SPOCK1: variants seen among roughly 807,000 people sequenced by gnomAD.
SPOCK1 encodes testican-1.
SPOCK1 carries 23 observed loss-of-function variants against 55.3 expected under a neutral mutation model. That is an observed-to-expected ratio of 0.42 (90% CI 0.30 to 0.59). The LOEUF is 0.59. Ranked by LOEUF, SPOCK1 falls within the 20% of genes least tolerant of loss-of-function variation. The pLI, the probability that SPOCK1 is intolerant of heterozygous loss-of-function variation, is 0.22. For missense variants in SPOCK1, 499 were observed against 552.5 expected, an observed-to-expected ratio of 0.90 and a Z score of 0.97; for synonymous variants, 226 against 221.0, an observed-to-expected ratio of 1.02 and a Z score of -0.20.
intron 6 of SPOCK1, among the ~76,000 whole-genome samples, chr5:137,053,239 C>T (rs1752239178): frequency 6.6e-6 from 1 of 152,144 alleles, no homozygotes; most frequent in African/African-American, 2.4e-5. Flanking sequence ...CCAAGGTGCA[C>T]AGGGCGCCAG....
chr5:137,405,123 C>T (rs1242811362), intron 2 of SPOCK1, among the ~76,000 whole-genome samples: 1 of 152,174 alleles, frequency 6.6e-6, no homozygotes, highest in Non-Finnish European at 1.5e-5. Flanking sequence ...AGAAACCCCA[C>T]CTAAGACAAG....
intron 2 of SPOCK1, among the ~76,000 whole-genome samples, chr5:137,485,902 A>G (rs748856317): frequency 3.9e-5 from 6 of 152,206 alleles, no homozygotes; most frequent in African/African-American, 7.2e-5. Flanking sequence ...GTAATATTCT[A>G]TCTCCTGATC....
rs546998573 is a variant in SPOCK1 at position 137,450,459 on chromosome 5, T to C, written c.186+47914A>G. 2.6e-5 allele frequency among the ~76,000 whole-genome samples: 4 copies of C among 152,192 alleles called. No homozygotes were observed. The East Asian group carries it at 7.7e-4, about 29-fold the overall frequency. On this transcript the variant is annotated intron_variant, in intron 2 of 10. Coordinates refer to ENST00000394945, the MANE Select transcript of SPOCK1 (RefSeq NM_004598.4). ...GGCAGGTGCATCTCCCCAGGAAAGG[T>C]GTGGGGTGTACATGCATCTCAGCAC...
chr5:137,293,934 A>G (rs1475516714), intron 2 of SPOCK1, among the ~76,000 whole-genome samples: 4 of 152,086 alleles, frequency 2.6e-5, no homozygotes, highest in African/African-American at 4.8e-5. Flanking sequence ...GGAGAATGGC[A>G]TGAACCCGGG....
At position 137,076,932 on chromosome 5, in the gene SPOCK1, T is replaced by G. The variant is rs527420636; in HGVS notation, c.475-9103A>C. ...GGTGAGTAAGTAGCAGATTTAAAAT[T>G]TTTTTTTTTGAGACAGAGTCTCGCT... is the stretch of plus-strand genomic sequence containing the variant. On this transcript the variant is annotated intron_variant, in intron 5 of 10. Transcript: ENST00000394945. Among the ~76,000 whole-genome samples the G allele has an allele frequency of 2.0e-5, 3 of 151,334 alleles. No homozygotes were observed. The South Asian group carries it at 6.3e-4, about 32-fold the overall frequency.
intron 2 of SPOCK1, among the ~76,000 whole-genome samples, chr5:137,308,651 T>C (rs1757741856): frequency 2.0e-5 from 3 of 152,210 alleles, no homozygotes; most frequent in Admixed American, 2.0e-4. Flanking sequence ...AGCAATTTCT[T>C]GCTCCTCTCA....
intron 3 of SPOCK1, among the ~76,000 whole-genome samples, chr5:137,253,727 G>A (rs1166640118): frequency 1.3e-5 from 2 of 152,148 alleles, no homozygotes; most frequent in Non-Finnish European, 2.9e-5. Flanking sequence ...TACTTGGATT[G>A]AGCCAAAAGC....
At chr5:136,989,863 G>GAATC (rs1017709451) in intron 7 of SPOCK1, among the ~76,000 whole-genome samples, 6 of 152,044 alleles carry the variant, frequency 3.9e-5, no homozygotes, top group African/African-American at 1.4e-4. Context: ...GTTTCTATGT[G>GAATC]AATCACTAGG....
chr5:137,152,084 A>G (rs550862844), intron 3 of SPOCK1, among the ~76,000 whole-genome samples: 2 of 152,326 alleles, frequency 1.3e-5, no homozygotes, highest in Non-Finnish European at 2.9e-5. Flanking sequence ...TTGGAGCTGA[A>G]GTTTCTTGGG....
intron 7 of SPOCK1, 42 bp downstream of exon 7, chr5:136,992,442 G>T: frequency 6.9e-7 from 1 of 1,452,792 alleles, no homozygotes; most frequent in Non-Finnish European, 9.5e-7. Flanking sequence ...CTAAATCAAT[G>T]TCTAATAAAT....
At chr5:137,011,189 T>TAA (rs1044357540) in intron 6 of SPOCK1, among the ~76,000 whole-genome samples, 10 of 152,142 alleles carry the variant, frequency 6.6e-5, no homozygotes, top group African/African-American at 2.4e-4. Flanking sequence ...ACTTCGCACT[T>TAA]CAGAGCATTG....
chr5:137,443,177 A>T (rs902599439), intron 2 of SPOCK1, among the ~76,000 whole-genome samples: 1 of 152,026 alleles, frequency 6.6e-6, no homozygotes, highest in Non-Finnish European at 1.5e-5. Flanking sequence ...CGGAGCCCCT[A>T]AGTCATGGCT....
At chr5:137,112,334 G>A (rs1753490571) in intron 5 of SPOCK1, 101 bp downstream of exon 5, 1 of 1,463,798 alleles carries the variant, frequency 6.8e-7, no homozygotes, top group South Asian at 1.3e-5. Context: ...GCAAGGCCTG[G>A]AGCCCACCAC....
At chr5:137,087,973 C>A (rs1329407078) in intron 5 of SPOCK1, among the ~76,000 whole-genome samples, 1 of 152,218 alleles carries the variant, frequency 6.6e-6, no homozygotes. Context: ...GAAGCATCTA[C>A]CACTTTCTCG....
At chr5:137,216,127 G>A (rs1580811748) in intron 3 of SPOCK1, among the ~76,000 whole-genome samples, 2 of 152,152 alleles carry the variant, frequency 1.3e-5, no homozygotes, top group African/African-American at 4.8e-5. Context: ...GGCATGGCAG[G>A]GAAAGGGGGC....
intron 2 of SPOCK1, among the ~76,000 whole-genome samples, chr5:137,457,892 T>A (rs763997824): frequency 2.6e-5 from 4 of 152,172 alleles, no homozygotes; most frequent in Non-Finnish European, 5.9e-5. Flanking sequence ...AACCAAAGGA[T>A]ACAAAATGAG....
intron 2 of SPOCK1, among the ~76,000 whole-genome samples, chr5:137,390,886 A>G (rs1166426222): frequency 1.3e-5 from 2 of 152,164 alleles, no homozygotes; most frequent in Non-Finnish European, 2.9e-5. Context: ...GTGTATAAAT[A>G]TATGTATACA....
chr5:137,287,877 G>A (rs1411101034), intron 2 of SPOCK1, among the ~76,000 whole-genome samples: 1 of 152,158 alleles, frequency 6.6e-6, no homozygotes, highest in Non-Finnish European at 1.5e-5. Context: ...GAAGCAATGG[G>A]CGGGTAGAAG....
intron 4 of SPOCK1, among the ~76,000 whole-genome samples, chr5:137,123,348 G>A (rs1021347700): frequency 2.0e-5 from 3 of 152,080 alleles, no homozygotes; most frequent in Non-Finnish European, 2.9e-5. Context: ...TGCCCCATCC[G>A]TTCCCAAAGG....
Sources: gnomAD v4.1 joint callset for allele counts (sites outside exome capture counted in the v4.1 genomes callset) on GRCh38, gnomAD v4.1.1 for gene constraint, MANE v1.5 for transcripts, NCBI Gene and HGNC (gene_info 2026-07-23, HGNC 2026-07-21) for gene names.